Variants in APBB2 observed in about 807,000 individuals in gnomAD.
The protein encoded by APBB2 is Fe65-like 1.
A neutral mutation model predicts 82.5 loss-of-function variants in APBB2; 38 were observed. The ratio of observed to expected loss-of-function variants is 0.46; its 90% CI spans 0.36 to 0.60. The LOEUF is 0.60. Among genes scored for constraint, APBB2 ranks in the 20% least tolerant of loss-of-function variants. The pLI is 0.00. For synonymous variants in APBB2, 341 were observed against 368.2 expected (o/e 0.93, Z 0.85); for missense variants, 772 against 972.3 (o/e 0.79, Z 2.74).
At chr4:40,893,133 T>A in intron 11 of APBB2, 132 bp downstream of exon 11, 1 of 1,097,164 alleles carries the variant, frequency 9.1e-7, no homozygotes, top group Non-Finnish European at 1.3e-6. Flanking sequence ...CTACACTTCC[T>A]GCATTAATGG....
At chr4:41,001,802 C>T (rs1351213334) in intron 6 of APBB2, among the ~76,000 whole-genome samples, 5 of 151,396 alleles carry the variant, frequency 3.3e-5, no homozygotes, top group African/African-American at 9.7e-5. Context: ...CGCTTGAACC[C>T]GGGAGGCAGA....
intron 12 of APBB2, among the ~76,000 whole-genome samples, chr4:40,846,234 A>G (rs1007876056): frequency 6.6e-6 from 1 of 150,852 alleles, no homozygotes; most frequent in Non-Finnish European, 1.5e-5. Flanking sequence ...GGCCAGGCCA[A>G]TCACTATGTG....
At chr4:41,022,197 T>C (rs1327892228) in intron 5 of APBB2, among the ~76,000 whole-genome samples, 1 of 152,066 alleles carries the variant, frequency 6.6e-6, no homozygotes, top group Non-Finnish European at 1.5e-5. Context: ...AAAAACCACC[T>C]GGGGGGCTTT....
chr4:40,822,066 T>G lies in APBB2; in HGVS notation c.1933-16A>C, dbSNP rs777536990. On this transcript the variant is annotated splice_polypyrimidine_tract_variant and intron_variant, in intron 16 of 17. Coordinates refer to ENST00000508593, the MANE Select transcript of APBB2 (RefSeq NM_004307.2). ...CCTCTTCATTCTGCAAGAGACATTA[T>G]GCGGCATCCAATCAGGAGATCCCAG... The G allele has an allele frequency of 1.2e-6, 2 of 1,613,276 alleles. No individual in the cohort carries two copies. The highest frequency in any genetic ancestry group is 1.7e-6 in the Non-Finnish European group (2 of 1,179,234).
In APBB2 at chr4:40,832,710, C is replaced by T. The variant is rs901811440; in HGVS notation, c.1530-2133G>A. Among the ~76,000 whole-genome samples, 3 of 152,198 alleles carry T rather than the reference C, an allele frequency of 2.0e-5. No homozygotes were observed. In the East Asian group the frequency reaches 5.8e-4, roughly 29 times the overall value. On this transcript the variant is annotated intron_variant, in intron 12 of 17. Coordinates refer to ENST00000508593, the MANE Select transcript of APBB2 (RefSeq NM_004307.2). This position sits in a 1 kb window ranked among gnomAD's most constrained non-coding sequence, Gnocchi z 4.8. ...ATGGGTGAGAGCCTGGAAGGTTCCT[C>T]GCACACACAGTACATACACGGGGGC... is the stretch of plus-strand genomic sequence containing the variant.
intron 2 of APBB2, among the ~76,000 whole-genome samples, chr4:41,113,736 C>T (rs1750002944): frequency 6.6e-6 from 1 of 152,068 alleles, no homozygotes; most frequent in Non-Finnish European, 1.5e-5. Context: ...TGGTGGTGTA[C>T]TTTTATTATG....
chr4:41,030,216 A>G (rs943627810), intron 5 of APBB2, among the ~76,000 whole-genome samples: 18 of 152,174 alleles, frequency 1.2e-4, no homozygotes, highest in African/African-American at 4.3e-4. Flanking sequence ...GCAGTGGACA[A>G]GAAAGAAAAA....
intron 6 of APBB2, among the ~76,000 whole-genome samples, chr4:41,001,769 T>G (rs1312160971): frequency 6.6e-6 from 1 of 150,918 alleles, no homozygotes; most frequent in Admixed American, 6.6e-5. Flanking sequence ...TTCCAGCTAC[T>G]GGGGAGGCTG....
chr4:41,212,760 G>A (rs896631305), intron 1 of APBB2, among the ~76,000 whole-genome samples: 4 of 152,064 alleles, frequency 2.6e-5, no homozygotes, highest in African/African-American at 4.8e-5. Flanking sequence ...ACCACCTTCC[G>A]CCCTATGATC....
At chr4:41,103,910 G>A (rs758658826) in intron 2 of APBB2, among the ~76,000 whole-genome samples, 1 of 152,148 alleles carries the variant, frequency 6.6e-6, no homozygotes, top group Non-Finnish European at 1.5e-5. Flanking sequence ...AATACAGTCC[G>A]TCCCAATAGG....
intron 10 of APBB2, among the ~76,000 whole-genome samples, chr4:40,924,927 A>C (rs1192573678): frequency 6.6e-6 from 1 of 152,246 alleles, no homozygotes; most frequent in Non-Finnish European, 1.5e-5. Context: ...GCTGAAAATG[A>C]ACACAAATTT....
At chr4:40,865,278 CA>C (rs1310257046) in intron 12 of APBB2, among the ~76,000 whole-genome samples, 2 of 152,046 alleles carry the variant, frequency 1.3e-5, no homozygotes, top group East Asian at 3.9e-4. Flanking sequence ...CACGGAGGGC[CA>C]AGGAAAAAGC....
At chr4:41,189,890 T>C (rs1773934329) in intron 1 of APBB2, among the ~76,000 whole-genome samples, 1 of 152,206 alleles carries the variant, frequency 6.6e-6, no homozygotes, top group African/African-American at 2.4e-5. Context: ...TGGGGCCCAT[T>C]CTCTTTTGTC....
In APBB2 at chr4:41,111,607, T is replaced by C. The variant is rs35606323; in HGVS notation, c.-260-10857A>G. The stretch of plus-strand genomic sequence containing the variant: ...GCTTTTCTGTAATTTCCATGTATTG[T>C]ATAATGACTCTTGCTGATGGAAATA... On this transcript the variant is annotated intron_variant, in intron 2 of 17. Transcript: ENST00000508593. Among the ~76,000 whole-genome samples the C allele has an allele frequency of 3.3e-5, 5 of 152,370 alleles. No individual in the cohort carries two copies. The South Asian group carries it at 1.0e-3, about 32-fold the overall frequency.
intron 10 of APBB2, among the ~76,000 whole-genome samples, chr4:40,894,202 G>A (rs1772977435): frequency 6.6e-6 from 1 of 151,450 alleles, no homozygotes; most frequent in Non-Finnish European, 1.5e-5. Context: ...GCAGAAGAAT[G>A]GCGTGAACCC....
intron 4 of APBB2, among the ~76,000 whole-genome samples, chr4:41,055,604 C>T (rs1188850576): frequency 6.6e-6 from 1 of 152,206 alleles, no homozygotes; most frequent in Non-Finnish European, 1.5e-5. Flanking sequence ...CTCTCCCCAA[C>T]AACTTTTCTT....
At chr4:40,988,664 C>A (rs77861244) in intron 6 of APBB2, among the ~76,000 whole-genome samples, 2 of 114,552 alleles carry the variant, frequency 1.7e-5, no homozygotes, top group African/African-American at 3.2e-5. Flanking sequence ...AAGACTGTCT[C>A]AAAAAAAAAA....
At chr4:40,819,320 G>C (rs1746993600) in intron 17 of APBB2, among the ~76,000 whole-genome samples, 1 of 151,710 alleles carries the variant, frequency 6.6e-6, no homozygotes, top group Admixed American at 6.6e-5. Context: ...TGAGTAGCTG[G>C]GACTACAGGT....
chr4:41,112,406 A>AT (rs1430644179), intron 2 of APBB2, among the ~76,000 whole-genome samples: 1 of 152,196 alleles, frequency 6.6e-6, no homozygotes, highest in Non-Finnish European at 1.5e-5. Context: ...AAAAGAAGGC[A>AT]CCCAACCATC....
Sources: gnomAD v4.1 joint callset for allele counts (sites outside exome capture counted in the v4.1 genomes callset) on GRCh38, gnomAD v4.1.1 for gene constraint, Gnocchi (gnomAD v3.1) non-coding constraint, MANE v1.5 for transcripts, NCBI Gene and HGNC (gene_info 2026-07-23, HGNC 2026-07-21) for gene names.